Variants in GNA12 observed in about 807,000 individuals in gnomAD.
The protein encoded by GNA12 is guanine nucleotide-binding protein subunit alpha-12.
GNA12 carries 9 observed loss-of-function variants against 26.0 expected under a neutral mutation model. The ratio of observed to expected loss-of-function variants is 0.35; its 90% CI spans 0.21 to 0.60. The LOEUF (loss-of-function observed/expected upper bound fraction) is 0.60, where lower values mean the gene tolerates loss of function less well. Among genes scored for constraint, GNA12 ranks in the 20% least tolerant of loss-of-function variants. The probability of loss-of-function intolerance (pLI) is 0.78; values close to 1 mark genes in which losing one functional copy is unlikely to be tolerated. For synonymous variants in GNA12, 264 were observed against 219.6 expected, an observed-to-expected ratio of 1.20 and a Z score of -1.79; for missense variants, 405 against 525.8, an observed-to-expected ratio of 0.77 and a Z score of 2.25.
At chr7:2,839,699 T>G (rs1304216491) in intron 1 of GNA12, among the ~76,000 whole-genome samples, 51 of 152,104 alleles carry the variant, frequency 3.4e-4, no homozygotes, top group Admixed American at 3.3e-3. Context: ...ATGTATGAAA[T>G]GACAAAATTA....
intron 2 of GNA12, among the ~76,000 whole-genome samples, chr7:2,747,661 T>C (rs1425891332): frequency 6.6e-6 from 1 of 152,180 alleles, no homozygotes; most frequent in Non-Finnish European, 1.5e-5. Flanking sequence ...GTGTTGGAAG[T>C]CCTAGGCAGG....
chr7:2,794,879 T>G (rs1398197359), intron 2 of GNA12, 49 bp downstream of exon 2: 1 of 1,305,472 alleles, frequency 7.7e-7, no homozygotes, highest in African/African-American at 1.4e-5. Flanking sequence ...AAAATAGTCA[T>G]GTAAAAAACA....
chr7:2,746,235 C>T (rs1205512489), intron 2 of GNA12, among the ~76,000 whole-genome samples: 1 of 152,178 alleles, frequency 6.6e-6, no homozygotes, highest in Non-Finnish European at 1.5e-5. Context: ...CAGCACCACA[C>T]CACACCTATT....
intron 2 of GNA12, among the ~76,000 whole-genome samples, chr7:2,753,672 G>T (rs140356964): frequency 3.3e-5 from 5 of 152,324 alleles, no homozygotes; most frequent in African/African-American, 9.6e-5. Context: ...TGGTGTGGAT[G>T]TAAGTTTCAT....
chr7:2,791,296 TG>T (rs1792511833), intron 2 of GNA12, among the ~76,000 whole-genome samples: 2 of 152,206 alleles, frequency 1.3e-5, no homozygotes, highest in African/African-American at 4.8e-5. Context: ...GTGATGCTCA[TG>T]GGGTGTCTGC....
Position 2,844,196 on chromosome 7 carries a change from C to T in GNA12, c.-35G>A. On this transcript the variant is annotated 5_prime_UTR_variant, in exon 1 of 4. Coordinates refer to ENST00000275364, the MANE Select transcript of GNA12 (RefSeq NM_007353.3). ...GGCCGCGGCCGCGCCCCGCCGGCGC[C>T]CGGGGGCCATGGACGCTCCCGCCGG... is the stretch of plus-strand genomic sequence containing the variant. 2 of 969,016 alleles carry T rather than the reference C, an allele frequency of 2.1e-6. No homozygotes were observed. Among genetic ancestry groups the T allele is most frequent in the Non-Finnish European group, 2.4e-6 (2 of 817,304 alleles). The allele number at this position is 969,016 out of a possible 1,614,324, so 60.0% of individuals were successfully genotyped here.
chr7:2,835,229 T>C (rs1211094491), intron 1 of GNA12, among the ~76,000 whole-genome samples: 4 of 152,180 alleles, frequency 2.6e-5, no homozygotes, highest in African/African-American at 7.2e-5. Flanking sequence ...GCCTGATGTC[T>C]TCCAACAGCC....
At chr7:2,817,913 A>C (rs577486310) in intron 1 of GNA12, among the ~76,000 whole-genome samples, 1 of 152,332 alleles carries the variant, frequency 6.6e-6, no homozygotes, top group Non-Finnish European at 1.5e-5. Flanking sequence ...AAGTCTCCAT[A>C]AGTACACTAC....
At position 2,795,029 on chromosome 7, in the gene GNA12, C is replaced by G. The variant is rs140101989; in HGVS notation, c.424G>C (p.Val142Leu). Residue 142 changes from valine (V) to leucine (L), a missense_variant, in exon 2 of 4, where the codon GTG becomes CTG. By Grantham distance (32) the Val-to-Leu change is conservative. Transcript: ENST00000275364. ...TACAGCTGGAAGGTGGCCGGCTCCACAGGCAGCCCCGCCTTGTTCTCGAAG... is the reference window on the plus strand; with the variant it reads ...TACAGCTGGAAGGTGGCCGGCTCCAGAGGCAGCCCCGCCTTGTTCTCGAAG... Reference protein sequence around the residue: ...MAFENKAGLPVEPATFQLYVP... With the variant: ...MAFENKAGLPLEPATFQLYVP... 6.2e-7 allele frequency: 1 copy of G among 1,614,176 alleles called. No homozygotes were observed. Among genetic ancestry groups the G allele is most frequent in the Non-Finnish European group, 8.5e-7 (1 of 1,179,986 alleles).
chr7:2,744,724 C>T (rs1230497089), intron 2 of GNA12, among the ~76,000 whole-genome samples: 1 of 152,068 alleles, frequency 6.6e-6, no homozygotes, highest in Non-Finnish European at 1.5e-5. Flanking sequence ...CTACTCTGAG[C>T]TACAGGAGGA....
chr7:2,832,228 C>T (rs1017073889), intron 1 of GNA12, among the ~76,000 whole-genome samples: 3 of 152,202 alleles, frequency 2.0e-5, no homozygotes, highest in Admixed American at 6.5e-5. Context: ...AGTGATGTTC[C>T]GGCTCATGCC....
intron 1 of GNA12, among the ~76,000 whole-genome samples, chr7:2,834,972 T>C (rs762913241): frequency 6.6e-6 from 1 of 151,550 alleles, no homozygotes; most frequent in Non-Finnish European, 1.5e-5. Flanking sequence ...GATGCATGAC[T>C]ATACATTGCG....
chr7:2,801,473 A>G (rs968289197), intron 1 of GNA12, among the ~76,000 whole-genome samples: 3 of 152,156 alleles, frequency 2.0e-5, no homozygotes. Flanking sequence ...AAACACACAC[A>G]CGCAAAACTG....
At position 2,836,573 on chromosome 7, in the gene GNA12, C is replaced by G. The variant is rs557581240; in HGVS notation, c.309+7280G>C. 1.1e-3 allele frequency among the ~76,000 whole-genome samples: 171 copies of G among 152,270 alleles called. 1 individual carries two copies. The highest frequency in any genetic ancestry group is 3.9e-3 in the African/African-American group (162 of 41,544). ...AGAGCCTGTTCTTGGCCAAAGGACC[C>G]AGAAAAGGATGCTCTTACAACAGCA... is the stretch of plus-strand genomic sequence containing the variant. On this transcript the variant is annotated intron_variant, in intron 1 of 3. Transcript: ENST00000275364.
chr7:2,829,689 T>A (rs961104518), intron 1 of GNA12, among the ~76,000 whole-genome samples: 1 of 152,230 alleles, frequency 6.6e-6, no homozygotes, highest in Non-Finnish European at 1.5e-5. Flanking sequence ...GTTTTTCATC[T>A]GACTTTTGTG....
At chr7:2,838,373 T>G (rs1300074093) in intron 1 of GNA12, among the ~76,000 whole-genome samples, 1 of 151,612 alleles carries the variant, frequency 6.6e-6, no homozygotes, top group African/African-American at 2.4e-5. Context: ...GGCTAGCAAT[T>G]CAAGAGCACC....
At chr7:2,836,810 G>C (rs1778849823) in intron 1 of GNA12, among the ~76,000 whole-genome samples, 1 of 152,164 alleles carries the variant, frequency 6.6e-6, no homozygotes, top group African/African-American at 2.4e-5. Flanking sequence ...TGTAGTCCCA[G>C]CTACTTGGGA....
At chr7:2,739,248 T>G (rs1790374256) in intron 2 of GNA12, among the ~76,000 whole-genome samples, 1 of 152,240 alleles carries the variant, frequency 6.6e-6, no homozygotes, top group Admixed American at 6.5e-5. Flanking sequence ...CAAAATGTTG[T>G]ACGGCCACCA....
chr7:2,770,672 A>T (rs1035611039), intron 2 of GNA12, among the ~76,000 whole-genome samples: 1 of 152,136 alleles, frequency 6.6e-6, no homozygotes, highest in Non-Finnish European at 1.5e-5. Flanking sequence ...ACAAAACAAC[A>T]CACAGAAAGA....
Sources: allele counts gnomAD v4.1 joint callset (sites outside exome capture counted in the v4.1 genomes callset), GRCh38; gene constraint gnomAD v4.1.1; transcripts MANE v1.5; gene names NCBI Gene and HGNC (gene_info 2026-07-23, HGNC 2026-07-21).